The following HPSE2 variants were observed in gnomAD, a reference collection of about 807,000 sequenced individuals.
HPSE2 encodes the protein heparanase 2 (inactive).
Under a neutral mutation model 60.5 loss-of-function variants are expected in HPSE2, and 38 were observed. That is an observed-to-expected ratio of 0.63 (90% confidence interval 0.48 to 0.82). The LOEUF is 0.82. Among genes scored for constraint, HPSE2 ranks in the 40% least tolerant of loss-of-function variants. The probability of loss-of-function intolerance (pLI) is 0.00; values close to 1 mark genes in which losing one functional copy is unlikely to be tolerated. For missense variants in HPSE2, 713 were observed against 740.4 expected (o/e 0.96, Z 0.43); for synonymous variants, 295 against 293.2 (o/e 1.01, Z -0.06).
At chr10:99,287,635 C>A in the HPSE2 span, among the ~76,000 whole-genome samples, 1 of 152,188 alleles carries the variant, frequency 6.6e-6, no homozygotes, top group African/African-American at 2.4e-5. Context: ...CTGAGCAGTA[C>A]ACCTCCAGGA....
intron 8 of HPSE2, among the ~76,000 whole-genome samples, chr10:98,618,045 C>G (rs536956850): frequency 3.3e-5 from 5 of 152,158 alleles, no homozygotes; most frequent in Admixed American, 2.6e-4. Context: ...CTCCCCTACT[C>G]CCCCCCGCCA....
At chr10:99,218,279 A>G (rs4457687) in intron 2 of HPSE2, among the ~76,000 whole-genome samples, 131,117 of 149,758 alleles carry the variant, frequency 0.88, 57,611 homozygotes, top group African/African-American at 0.94. Flanking sequence ...GAAACTCAGA[A>G]TGTCAGGTAA....
intron 3 of HPSE2, among the ~76,000 whole-genome samples, chr10:99,035,391 G>A (rs1280808615): frequency 6.6e-6 from 1 of 152,130 alleles, no homozygotes; most frequent in Non-Finnish European, 1.5e-5. Flanking sequence ...TCACTAGAAG[G>A]TGTTCAGGGG....
the HPSE2 span, among the ~76,000 whole-genome samples, chr10:99,283,628 G>A: frequency 2.6e-5 from 4 of 151,846 alleles, no homozygotes; most frequent in African/African-American, 9.7e-5. Context: ...GATAAAAAAA[G>A]AGAGAAGACC....
intron 4 of HPSE2, among the ~76,000 whole-genome samples, chr10:98,725,859 T>C (rs1239106162): frequency 6.6e-6 from 1 of 152,178 alleles, no homozygotes; most frequent in East Asian, 1.9e-4. Context: ...AGAAGACATT[T>C]ATGCAGCCAA....
At chr10:99,170,133 TG>T (rs1315636560) in intron 2 of HPSE2, among the ~76,000 whole-genome samples, 1 of 152,036 alleles carries the variant, frequency 6.6e-6, no homozygotes, top group Non-Finnish European at 1.5e-5. Context: ...ATATGAAAAC[TG>T]GGGCTAGGGA....
At chr10:98,885,641 C>A (rs1051086963) in intron 3 of HPSE2, among the ~76,000 whole-genome samples, 2 of 152,146 alleles carry the variant, frequency 1.3e-5, no homozygotes, top group Non-Finnish European at 2.9e-5. Context: ...GACATTACAA[C>A]TCACTGAAGT....
chr10:99,203,940 G>A (rs1848659706), intron 2 of HPSE2, among the ~76,000 whole-genome samples: 1 of 152,010 alleles, frequency 6.6e-6, no homozygotes, highest in South Asian at 2.1e-4. Flanking sequence ...CACAGGCCAA[G>A]GTTCCAGGAC....
In HPSE2 at chr10:99,145,718, C is replaced by T. The variant is rs1197898632; in HGVS notation, c.449-1319G>A. ...ACCAATGATTTTGGAAAGAATAAAA[C>T]TAATGCCCATGTTAATGGTACTAAA... On this transcript the variant is annotated intron_variant, in intron 2 of 11. Transcript: ENST00000370552. Among the ~76,000 whole-genome samples, 6 of 152,216 alleles carry T rather than the reference C, an allele frequency of 3.9e-5. No homozygotes were observed. In the East Asian group the frequency reaches 1.2e-3, roughly 29 times the overall value.
the HPSE2 span, among the ~76,000 whole-genome samples, chr10:99,253,345 C>T: frequency 6.6e-6 from 1 of 152,130 alleles, no homozygotes; most frequent in East Asian, 1.9e-4. Flanking sequence ...CTACAGCCAT[C>T]TGATCTTTGA....
intron 9 of HPSE2, among the ~76,000 whole-genome samples, chr10:98,578,448 T>G (rs1474991247): frequency 2.0e-5 from 3 of 152,192 alleles, no homozygotes; most frequent in African/African-American, 7.2e-5. Context: ...TTTTTACATG[T>G]TCTTAAATAA....
At chr10:99,190,556 A>C (rs1848184492) in intron 2 of HPSE2, among the ~76,000 whole-genome samples, 1 of 152,146 alleles carries the variant, frequency 6.6e-6, no homozygotes, top group Admixed American at 6.5e-5. Flanking sequence ...AGCATCCTTA[A>C]CTGCTATACC....
At chr10:98,774,650 G>T (rs1950304117) in intron 3 of HPSE2, among the ~76,000 whole-genome samples, 1 of 152,104 alleles carries the variant, frequency 6.6e-6, no homozygotes, top group Non-Finnish European at 1.5e-5. Flanking sequence ...AAAAGCAGCA[G>T]GGCAGATGCT....
chr10:98,932,874 T>C (rs1954680113), intron 3 of HPSE2, among the ~76,000 whole-genome samples: 1 of 143,946 alleles, frequency 6.9e-6, no homozygotes, highest in Non-Finnish European at 1.5e-5. Flanking sequence ...TCTTTTCTTC[T>C]CTATTAGTCT....
Position 99,232,440 on chromosome 10 carries a change from C to G in HPSE2, c.356G>C (p.Arg119Thr), listed in dbSNP as rs1465492839. The G allele has an allele frequency of 2.6e-6, 4 of 1,557,140 alleles. No individual in the cohort carries two copies. The highest frequency in any genetic ancestry group is 3.5e-6 in the Non-Finnish European group (4 of 1,150,132). Residue 119 changes from arginine to threonine, a missense_variant, in exon 2 of 12, where the codon AGG becomes ACG. By Grantham distance (71) the Arg-to-Thr change is moderately conservative. Transcript: ENST00000370552. ...GTTCTGGAACTGCAGGAAGTCGGTCCTTTTGCCCCCGAAGCGCAGAAAGGC... is the reference window on the plus strand; with the variant it reads ...GTTCTGGAACTGCAGGAAGTCGGTCGTTTTGCCCCCGAAGCGCAGAAAGGC... Reference protein sequence around the residue: ...SPAFLRFGGKRTDFLQFQNLR... With the variant: ...SPAFLRFGGKTTDFLQFQNLR...
chr10:99,183,716 G>A (rs146977176), intron 2 of HPSE2, among the ~76,000 whole-genome samples: 39 of 152,254 alleles, frequency 2.6e-4, no homozygotes, highest in East Asian at 2.1e-3. Context: ...CCTTCTGTGC[G>A]GCAAGCAGCA....
intron 3 of HPSE2, among the ~76,000 whole-genome samples, chr10:99,041,886 G>C (rs1291669884): frequency 6.6e-6 from 1 of 152,188 alleles, no homozygotes; most frequent in Non-Finnish European, 1.5e-5. Context: ...CCTGAGAACA[G>C]TCACAAGCCT....
At chr10:99,297,374 T>C in the HPSE2 span, among the ~76,000 whole-genome samples, 1 of 152,236 alleles carries the variant, frequency 6.6e-6, no homozygotes, top group South Asian at 2.1e-4. Flanking sequence ...GTTTCCACTC[T>C]GGTGAAGAGG....
chr10:98,721,476 G>T (rs1948921179), intron 5 of HPSE2, among the ~76,000 whole-genome samples, 181 bp downstream of exon 5: 1 of 152,038 alleles, frequency 6.6e-6, no homozygotes, highest in South Asian at 2.1e-4. Context: ...GGAAGGCCTA[G>T]AAAGATGAGA....
Sources: gnomAD v4.1 joint callset for allele counts (sites outside exome capture counted in the v4.1 genomes callset) on GRCh38, gnomAD v4.1.1 for gene constraint, MANE v1.5 for transcripts, NCBI Gene and HGNC (gene_info 2026-07-23, HGNC 2026-07-21) for gene names.